The following LRBA variants were observed in gnomAD, a reference collection of about 807,000 sequenced individuals.
LRBA encodes lipopolysaccharide-responsive and beige-like anchor protein.
In LRBA, 176 loss-of-function variants were observed where a neutral mutation model predicts 330.0. That is an observed-to-expected ratio of 0.53 (90% CI 0.47 to 0.60). The LOEUF is 0.60. Among genes scored for constraint, LRBA ranks in the 20% least tolerant of loss-of-function variants. The probability of loss-of-function intolerance (pLI) is 0.00; values close to 1 mark genes in which losing one functional copy is unlikely to be tolerated. For synonymous variants in LRBA, 1,230 were observed against 1,193.0 expected, an observed-to-expected ratio of 1.03 and a Z score of -0.64; for missense variants, 3,259 against 3,444.8, an observed-to-expected ratio of 0.95 and a Z score of 1.35.
chr4:150,712,462 T>G (rs969546911), intron 36 of LRBA, among the ~76,000 whole-genome samples: 5 of 152,150 alleles, frequency 3.3e-5, no homozygotes, highest in Non-Finnish European at 5.9e-5. Context: ...TTGTTTGAAC[T>G]AATAAAAAAC....
At chr4:150,880,538 C>T (rs906399278) in intron 17 of LRBA, among the ~76,000 whole-genome samples, 1 of 149,420 alleles carries the variant, frequency 6.7e-6, no homozygotes, top group African/African-American at 2.5e-5. Context: ...AAAAAAAAAA[C>T]CTTTTAGCTC....
intron 47 of LRBA, among the ~76,000 whole-genome samples, chr4:150,383,936 T>C (rs920891777): frequency 2.6e-5 from 4 of 152,216 alleles, no homozygotes; most frequent in African/African-American, 9.7e-5. Flanking sequence ...AGGGGTAATA[T>C]ATGTAGCTTT....
At chr4:150,720,781 T>C (rs1172959737) in intron 36 of LRBA, among the ~76,000 whole-genome samples, 5 of 152,172 alleles carry the variant, frequency 3.3e-5, no homozygotes, top group African/African-American at 1.2e-4. Context: ...TGTTCAATAC[T>C]GAACCATATT....
chr4:150,686,932 G>A lies in LRBA; in HGVS notation c.5755-3215C>T, dbSNP rs190207986. On this transcript the variant is annotated intron_variant, in intron 36 of 56. Transcript: ENST00000651943. Reference sequence around the variant, plus strand: ...AACAAGGGCTCAAGGTAAGCTAAACGGTAAAATGGTTTAAAGTGTTCTTTA... The same window carrying A: ...AACAAGGGCTCAAGGTAAGCTAAACAGTAAAATGGTTTAAAGTGTTCTTTA... Among the ~76,000 whole-genome samples the A allele has an allele frequency of 3.2e-3, 479 of 152,028 alleles. 2 individuals carry two copies. The highest frequency in any genetic ancestry group is 0.01 in the Middle Eastern group (3 of 294).
intron 43 of LRBA, among the ~76,000 whole-genome samples, chr4:150,468,581 C>T (rs1191755210): frequency 6.6e-6 from 1 of 151,932 alleles, no homozygotes; most frequent in African/African-American, 2.4e-5. Flanking sequence ...AATCAAAATG[C>T]TGGTGTTTGA....
chr4:150,333,743 A>T (rs1324226697), intron 48 of LRBA, among the ~76,000 whole-genome samples: 1 of 152,168 alleles, frequency 6.6e-6, no homozygotes, highest in Non-Finnish European at 1.5e-5. Flanking sequence ...CTTTGGAGGT[A>T]TGGTTCAACT....
intron 40 of LRBA, among the ~76,000 whole-genome samples, chr4:150,533,624 T>C (rs1764284096): frequency 6.6e-6 from 1 of 152,194 alleles, no homozygotes. Flanking sequence ...TCTGAAGTAA[T>C]GAACCTGGAT....
intron 50 of LRBA, among the ~76,000 whole-genome samples, chr4:150,317,950 G>A (rs1561005301): frequency 6.6e-6 from 1 of 152,154 alleles, no homozygotes; most frequent in Non-Finnish European, 1.5e-5. Flanking sequence ...ACATCCTCAG[G>A]TTGTTAAGAA....
chr4:150,381,077 G>A (rs557870822), intron 47 of LRBA, among the ~76,000 whole-genome samples: 8 of 150,354 alleles, frequency 5.3e-5, no homozygotes, highest in Admixed American at 4.6e-4. Context: ...CCGAATTTAA[G>A]TGGTCTCTCC....
intron 37 of LRBA, among the ~76,000 whole-genome samples, chr4:150,636,222 T>G (rs1777894288): frequency 6.6e-6 from 1 of 151,472 alleles, no homozygotes; most frequent in African/African-American, 2.4e-5. Context: ...GAATATTTTT[T>G]GAGGAGGTAC....
At chr4:150,896,786 TACAGAAGACA>T (rs1730130361) in intron 15 of LRBA, among the ~76,000 whole-genome samples, 3 of 151,936 alleles carry the variant, frequency 2.0e-5, no homozygotes, top group Admixed American at 6.6e-5. Flanking sequence ...CTCCTCTAAA[TACAGAAGACA>T]TCTTTTCGAC....
chr4:150,727,063 CGTT>C (rs1281997440), intron 36 of LRBA, among the ~76,000 whole-genome samples: 15 of 118,934 alleles, frequency 1.3e-4, no homozygotes, highest in Non-Finnish European at 2.4e-4. Flanking sequence ...CAGAACATTT[CGTT>C]GTTTTTTTTT....
At chr4:150,318,701 A>G (rs576146023) in intron 50 of LRBA, among the ~76,000 whole-genome samples, 3 of 152,304 alleles carry the variant, frequency 2.0e-5, no homozygotes, top group Non-Finnish European at 4.4e-5. Context: ...GTGTATTCCC[A>G]TATGTTATCG....
At chr4:150,446,676 C>T (rs1291224950) in intron 44 of LRBA, among the ~76,000 whole-genome samples, 1 of 152,188 alleles carries the variant, frequency 6.6e-6, no homozygotes, top group Non-Finnish European at 1.5e-5. Flanking sequence ...CCCCAGTGCT[C>T]CCTCAAGGAA....
intron 40 of LRBA, among the ~76,000 whole-genome samples, chr4:150,502,618 A>G (rs1377800466): frequency 6.6e-6 from 1 of 152,242 alleles, no homozygotes; most frequent in Non-Finnish European, 1.5e-5. Flanking sequence ...TACAGCTCCC[A>G]GTGTGAGCAA....
At chr4:150,805,426 AGGAAAGGAAAGGAAGGAAAG>A (rs1742518829) in intron 33 of LRBA, among the ~76,000 whole-genome samples, 2 of 125,036 alleles carry the variant, frequency 1.6e-5, no homozygotes, top group African/African-American at 6.1e-5. Context: ...GGGAAAGGAA[AGGAAAGGAAAGGAAGGAAAG>A]GGAAAGGAAA....
intron 54 of LRBA, among the ~76,000 whole-genome samples, chr4:150,284,971 T>C (rs1367425537): frequency 1.3e-5 from 2 of 152,188 alleles, no homozygotes; most frequent in Admixed American, 1.3e-4. Context: ...ATATAATAGG[T>C]TCATTTTACG....
intron 34 of LRBA, among the ~76,000 whole-genome samples, chr4:150,792,631 G>A (rs975304536): frequency 1.3e-5 from 2 of 152,146 alleles, no homozygotes; most frequent in African/African-American, 4.8e-5. Context: ...GCAGCATCCA[G>A]AGTAGCTAGG....
chr4:150,959,262 G>C (rs963626678), intron 2 of LRBA, among the ~76,000 whole-genome samples: 1 of 149,018 alleles, frequency 6.7e-6, no homozygotes, highest in South Asian at 2.1e-4. Flanking sequence ...CAGATCTCGT[G>C]AGACTTATCC....
Sources: allele counts gnomAD v4.1 joint callset (sites outside exome capture counted in the v4.1 genomes callset), GRCh38; gene constraint gnomAD v4.1.1; transcripts MANE v1.5; gene names NCBI Gene and HGNC (gene_info 2026-07-23, HGNC 2026-07-21).